Variants in CA8 observed in about 807,000 individuals in gnomAD.
CA8 encodes carbonic anhydrase 8 (inactive).
A neutral mutation model predicts 41.4 loss-of-function variants in CA8; 22 were observed. That is an observed-to-expected ratio of 0.53 (90% CI 0.38 to 0.76). The LOEUF (loss-of-function observed/expected upper bound fraction) is 0.76. CA8 is among the 30% of genes least tolerant of loss of function. The pLI, the probability that CA8 is intolerant of heterozygous loss-of-function variation, is 0.00. For synonymous variants in CA8, 121 were observed against 130.6 expected (o/e 0.93, Z 0.50); for missense variants, 270 against 352.8 (o/e 0.77, Z 1.88).
intron 8 of CA8, among the ~76,000 whole-genome samples, chr8:60,203,577 G>A (rs1253140121): frequency 1.3e-5 from 2 of 151,982 alleles, no homozygotes; most frequent in Non-Finnish European, 2.9e-5. Context: ...ATAATGAAAT[G>A]CTGACATAAA....
intron 3 of CA8, among the ~76,000 whole-genome samples, chr8:60,245,905 G>A (rs549671368): frequency 2.0e-4 from 30 of 152,300 alleles, no homozygotes; most frequent in African/African-American, 6.3e-4. Flanking sequence ...GGGTGCAGCC[G>A]GGGTGGGGGG....
chr8:60,243,920 T>C (rs1808131792), intron 3 of CA8, among the ~76,000 whole-genome samples: 1 of 152,202 alleles, frequency 6.6e-6, no homozygotes, highest in Admixed American at 6.5e-5. Flanking sequence ...TCTTCAATCC[T>C]CACCTGGATG....
At chr8:60,197,494 C>A (rs943892074) in intron 8 of CA8, among the ~76,000 whole-genome samples, 1 of 152,056 alleles carries the variant, frequency 6.6e-6, no homozygotes, top group African/African-American at 2.4e-5. Flanking sequence ...AACCACCCTA[C>A]GAGGTAAATA....
intron 3 of CA8, among the ~76,000 whole-genome samples, chr8:60,241,096 AG>A (rs1222190348): frequency 1.3e-5 from 2 of 152,220 alleles, no homozygotes; most frequent in East Asian, 3.9e-4. Flanking sequence ...CCCATTCATC[AG>A]CAGATAAATC....
intron 8 of CA8, 38 bp downstream of exon 8, chr8:60,208,712 G>A: frequency 6.4e-7 from 1 of 1,556,104 alleles, no homozygotes. Context: ...GGTTTAAGTA[G>A]CTGTGCACCT....
At chr8:60,208,646 A>G (rs1445546205) in intron 8 of CA8, 104 bp downstream of exon 8, 3 of 971,172 alleles carry the variant, frequency 3.1e-6, no homozygotes, top group Non-Finnish European at 4.9e-6. Flanking sequence ...GATGAAGTAC[A>G]TACGCTTTTA....
At chr8:60,278,751 G>T (rs571486695) in intron 2 of CA8, among the ~76,000 whole-genome samples, 3 of 152,244 alleles carry the variant, frequency 2.0e-5, no homozygotes, top group Admixed American at 2.0e-4. Context: ...CATTTACAAT[G>T]AATAAAATAA....
chr8:60,208,584 C>A, intron 8 of CA8, 166 bp downstream of exon 8: 2 of 630,462 alleles, frequency 3.2e-6, no homozygotes, highest in Non-Finnish European at 5.6e-6. Context: ...ATTAAAATAC[C>A]TACTTGACCT....
chr8:60,270,314 C>T lies in CA8; in HGVS notation c.293-4265G>A, dbSNP rs573701143. 1.1e-3 allele frequency among the ~76,000 whole-genome samples: 165 copies of T among 152,320 alleles called. 3 individuals are homozygous for T. In the South Asian group the frequency reaches 0.032, roughly 30 times the overall value. ...GGAGATGAAGCCTGCAGAGCCACAC[C>T]GTCAACACAGAGGAAACCCCACACC... On this transcript the variant is annotated intron_variant, in intron 2 of 8. Coordinates refer to ENST00000317995, the MANE Select transcript of CA8 (RefSeq NM_004056.6).
intron 8 of CA8, among the ~76,000 whole-genome samples, chr8:60,195,061 T>C (rs1030037968): frequency 1.3e-5 from 2 of 152,212 alleles, no homozygotes; most frequent in African/African-American, 4.8e-5. Context: ...ACACTTTGAA[T>C]ATATGAAGTT....
chr8:60,227,858 C>A (rs751681773), intron 4 of CA8, among the ~76,000 whole-genome samples: 1 of 151,958 alleles, frequency 6.6e-6, no homozygotes, highest in African/African-American at 2.4e-5. Flanking sequence ...AAAATGGAGA[C>A]AAAAAAATTC....
intron 7 of CA8, among the ~76,000 whole-genome samples, chr8:60,217,114 C>T (rs529155446): frequency 1.9e-4 from 29 of 149,288 alleles, no homozygotes; most frequent in African/African-American, 6.8e-4. Flanking sequence ...TAACTCCTGA[C>T]CTCAGGTGAT....
In CA8 at chr8:60,228,628, G is replaced by A. The variant is rs904726364; in HGVS notation, c.514-1693C>T. 1.5e-4 allele frequency among the ~76,000 whole-genome samples: 23 copies of A among 152,254 alleles called. No individual in the cohort carries two copies. The East Asian group carries it at 3.3e-3, about 22-fold the overall frequency. Reference sequence around the variant, plus strand: ...GTGTAGTTAACCTCTACATCCTTCCGCTTCCTCAGCTGTTTGCTGGAGAGG... The same window carrying A: ...GTGTAGTTAACCTCTACATCCTTCCACTTCCTCAGCTGTTTGCTGGAGAGG... On this transcript the variant is annotated intron_variant, in intron 4 of 8. Transcript: ENST00000317995.
chr8:60,208,657 T>C, intron 8 of CA8, 93 bp downstream of exon 8: 1 of 1,091,956 alleles, frequency 9.2e-7, no homozygotes, highest in Non-Finnish European at 1.4e-6. Flanking sequence ...TACGCTTTTA[T>C]TACTAAATTA....
At chr8:60,196,363 T>A (rs1806282461) in intron 8 of CA8, among the ~76,000 whole-genome samples, 1 of 152,160 alleles carries the variant, frequency 6.6e-6, no homozygotes, top group Non-Finnish European at 1.5e-5. Flanking sequence ...TAACTCTTAC[T>A]ATATCCACTT....
intron 7 of CA8, among the ~76,000 whole-genome samples, chr8:60,220,951 T>C (rs1031316702): frequency 6.6e-6 from 1 of 152,176 alleles, no homozygotes; most frequent in African/African-American, 2.4e-5. Flanking sequence ...TTTCTTTCTA[T>C]ACAGAATGAC....
chr8:60,196,036 TAATGA>T (rs1246168020), intron 8 of CA8, among the ~76,000 whole-genome samples: 1 of 152,110 alleles, frequency 6.6e-6, no homozygotes, highest in African/African-American at 2.4e-5. Context: ...GAGTACTAGA[TAATGA>T]AATGAAATAA....
At chr8:60,256,396 A>G (rs1239214113) in intron 3 of CA8, among the ~76,000 whole-genome samples, 1 of 152,156 alleles carries the variant, frequency 6.6e-6, no homozygotes, top group Non-Finnish European at 1.5e-5. Context: ...TTGCCTAGGG[A>G]ACCATGTCAG....
chr8:60,270,753 A>G (rs925330772), intron 2 of CA8, among the ~76,000 whole-genome samples: 2 of 152,240 alleles, frequency 1.3e-5, no homozygotes, highest in Non-Finnish European at 2.9e-5. Flanking sequence ...AAGACTTTAT[A>G]ACCTCAAAGT....
Sources: gnomAD v4.1 joint callset for allele counts (sites outside exome capture counted in the v4.1 genomes callset) on GRCh38, gnomAD v4.1.1 for gene constraint, MANE v1.5 for transcripts, NCBI Gene and HGNC (gene_info 2026-07-23, HGNC 2026-07-21) for gene names.